DYM: variants seen among roughly 807,000 people sequenced by gnomAD.
DYM encodes dymeclin.
A neutral mutation model predicts 93.1 loss-of-function variants in DYM; 78 were observed. The observed-to-expected ratio is 0.84, with a 90% CI of 0.70 to 1.01. The LOEUF is 1.01. Among genes scored for constraint, DYM ranks in the 50% least tolerant of loss-of-function variants. The pLI, the probability that DYM is intolerant of heterozygous loss-of-function variation, is 0.00. For missense variants in DYM, 789 were observed against 845.0 expected, an observed-to-expected ratio of 0.93 and a Z score of 0.82; for synonymous variants, 321 against 319.7, an observed-to-expected ratio of 1.00 and a Z score of -0.04.
intron 5 of DYM, among the ~76,000 whole-genome samples, chr18:49,376,294 A>C (rs893738323): frequency 1.3e-5 from 2 of 152,192 alleles, no homozygotes; most frequent in African/African-American, 4.8e-5. Context: ...CACTTACGAA[A>C]CAAACTTAAT....
intron 17 of DYM, among the ~76,000 whole-genome samples, chr18:49,080,792 A>C (rs1236758179): frequency 2.5e-5 from 3 of 121,524 alleles, no homozygotes; most frequent in Non-Finnish European, 3.4e-5. Context: ...GACGGGGCGG[A>C]TGCCGGGCGG....
chr18:49,148,523 G>A (rs921455929), intron 15 of DYM, among the ~76,000 whole-genome samples: 1 of 151,908 alleles, frequency 6.6e-6, no homozygotes, highest in African/African-American at 2.4e-5. Flanking sequence ...CTCCCAAATT[G>A]CTAGATTACA....
At chr18:49,245,011 T>A (rs970562106) in intron 13 of DYM, among the ~76,000 whole-genome samples, 1 of 152,190 alleles carries the variant, frequency 6.6e-6, no homozygotes, top group South Asian at 2.1e-4. Context: ...GGACATTTAT[T>A]ACTTCCCCAA....
chr18:49,038,640 G>A lies in DYM; in HGVS notation c.*5415C>T, dbSNP rs2070789793. On this transcript the variant is annotated 3_prime_UTR_variant, in exon 18 of 18. Transcript: ENST00000675505. ...GAGCATTAGTCCATTTACATTTAGT[G>A]TAATAATGGATTTATCACAAATATC... Among the ~76,000 whole-genome samples, 2 of 152,190 alleles carry A rather than the reference G, an allele frequency of 1.3e-5. No individual in the cohort carries two copies. The highest frequency in any genetic ancestry group is 4.8e-5 in the African/African-American group (2 of 41,458).
At chr18:49,445,799 G>T (rs978090726) in intron 1 of DYM, among the ~76,000 whole-genome samples, 3 of 152,116 alleles carry the variant, frequency 2.0e-5, no homozygotes, top group African/African-American at 7.2e-5. Flanking sequence ...AATCCCACAG[G>T]CCGTTCAAAG....
At chr18:49,429,379 CTAT>C (rs1412939690) in intron 2 of DYM, among the ~76,000 whole-genome samples, 3 of 152,090 alleles carry the variant, frequency 2.0e-5, no homozygotes, top group Non-Finnish European at 4.4e-5. Flanking sequence ...ACTATTCTGC[CTAT>C]CATAATAAAG....
At chr18:49,352,406 AAAAT>A (rs1259539682) in intron 6 of DYM, among the ~76,000 whole-genome samples, 2 of 152,252 alleles carry the variant, frequency 1.3e-5, no homozygotes, top group Non-Finnish European at 2.9e-5. Context: ...AAGTGAAGCT[AAAAT>A]AAAGGAAAAA....
At chr18:49,433,688 T>C (rs371949843) in intron 1 of DYM, among the ~76,000 whole-genome samples, 28 of 152,026 alleles carry the variant, frequency 1.8e-4, no homozygotes, top group African/African-American at 6.3e-4. Flanking sequence ...GTCAACATAG[T>C]GAAAACCCGT....
chr18:49,362,231 C>A (rs1344435411), intron 6 of DYM, among the ~76,000 whole-genome samples: 1 of 152,056 alleles, frequency 6.6e-6, no homozygotes, highest in Non-Finnish European at 1.5e-5. Context: ...GGCACGGTGG[C>A]TCACACCTGT....
At chr18:49,178,413 G>C (rs1017098601) in intron 14 of DYM, among the ~76,000 whole-genome samples, 1 of 152,154 alleles carries the variant, frequency 6.6e-6, no homozygotes, top group Non-Finnish European at 1.5e-5. Flanking sequence ...TCAAATGTGT[G>C]TAAGGTCTTT....
Position 49,262,839 on chromosome 18 carries a change from C to T in DYM, c.1252-4346G>A, listed in dbSNP as rs533595728. 4.6e-5 allele frequency among the ~76,000 whole-genome samples: 3 copies of T among 65,422 alleles called. No individual in the cohort carries two copies. The Admixed American group carries it at 5.9e-4, about 13-fold the overall frequency. The allele number at this position is 65,422 out of a possible 152,430, so 42.9% of individuals were successfully genotyped here. On this transcript the variant is annotated intron_variant, in intron 11 of 17. Transcript: ENST00000675505. ...TCTAGAGTACTATATTAGCAGGCTA[C>T]ATTTTAAAAAAAATCCATTCCTCTA... is the stretch of plus-strand genomic sequence containing the variant.
chr18:49,173,139 G>T (rs773411871), intron 14 of DYM, among the ~76,000 whole-genome samples: 1 of 151,946 alleles, frequency 6.6e-6, no homozygotes, highest in East Asian at 1.9e-4. Flanking sequence ...ATATGCACTG[G>T]TCTATTTCTT....
intron 13 of DYM, among the ~76,000 whole-genome samples, chr18:49,216,462 C>G (rs983517996): frequency 6.6e-6 from 1 of 152,204 alleles, no homozygotes; most frequent in African/African-American, 2.4e-5. Flanking sequence ...AAGTGGGTCC[C>G]TGACCCCTGA....
chr18:49,383,252 A>T lies in DYM; in HGVS notation c.194-3494T>A, dbSNP rs527730718. ...AAATTTGAACACTGAATATTTTGTG[A>T]TATTAAAAGTTGTTTTTTTAATAAG... On this transcript the variant is annotated intron_variant, in intron 3 of 17. Coordinates refer to ENST00000675505, the MANE Select transcript of DYM (RefSeq NM_001353214.3). Among the ~76,000 whole-genome samples, 58 of 152,354 alleles carry T rather than the reference A, an allele frequency of 3.8e-4. 2 individuals are homozygous for T. The South Asian group carries it at 0.012, about 31-fold the overall frequency.
At chr18:49,414,507 A>C (rs1029384684) in intron 2 of DYM, among the ~76,000 whole-genome samples, 2 of 152,308 alleles carry the variant, frequency 1.3e-5, no homozygotes, top group African/African-American at 4.8e-5. Context: ...AATACCATAC[A>C]ACTTATAAGA....
chr18:49,272,337 T>C, intron 10 of DYM, 34 bp from the exon 11 acceptor site: 1 of 1,284,472 alleles, frequency 7.8e-7, no homozygotes, highest in Non-Finnish European at 1.1e-6. Context: ...ACTATTTCAA[T>C]ACTTCATTAT....
chr18:49,131,344 T>TAA (rs879831542), intron 15 of DYM, among the ~76,000 whole-genome samples: 20,299 of 151,970 alleles, frequency 0.13, 1,814 homozygotes, highest in East Asian at 0.38. Flanking sequence ...TTCTTTGTTT[T>TAA]TTGAGGCACA....
At chr18:49,290,064 ATTC>A (rs1263805867) in intron 8 of DYM, among the ~76,000 whole-genome samples, 1 of 151,368 alleles carries the variant, frequency 6.6e-6, no homozygotes, top group Non-Finnish European at 1.5e-5. Flanking sequence ...GAGCCCAGCA[ATTC>A]TTTTTTTTTT....
chr18:49,080,801 G>A (rs1344656400), intron 17 of DYM, among the ~76,000 whole-genome samples: 4 of 142,822 alleles, frequency 2.8e-5, no homozygotes, highest in Non-Finnish European at 4.6e-5. Flanking sequence ...GATGCCGGGC[G>A]GAGGGTCTCC....
Sources: gnomAD v4.1 joint callset for allele counts (sites outside exome capture counted in the v4.1 genomes callset) on GRCh38, gnomAD v4.1.1 for gene constraint, MANE v1.5 for transcripts, NCBI Gene and HGNC (gene_info 2026-07-23, HGNC 2026-07-21) for gene names.